Variants in KCNMB4 observed in about 807,000 individuals in gnomAD.
KCNMB4 encodes the protein potassium calcium-activated channel subfamily M regulatory beta subunit 4.
A neutral mutation model predicts 20.7 loss-of-function variants in KCNMB4; 3 were observed. That is an observed-to-expected ratio of 0.14 (90% CI 0.07 to 0.37). KCNMB4 has a LOEUF of 0.37. Ranked by LOEUF, KCNMB4 falls within the 10% of genes least tolerant of loss-of-function variation. The pLI, the probability that KCNMB4 is intolerant of heterozygous loss-of-function variation, is 1.00. For missense variants in KCNMB4, 168 were observed against 265.9 expected (o/e 0.63, Z 2.56); for synonymous variants, 110 against 113.4 (o/e 0.97, Z 0.19).
intron 2 of KCNMB4, among the ~76,000 whole-genome samples, chr12:70,406,548 T>G (rs1259518265): frequency 6.6e-6 from 1 of 152,204 alleles, no homozygotes; most frequent in Non-Finnish European, 1.5e-5. Context: ...GGTGGGACTC[T>G]TTGAGCCTGA....
chr12:70,430,667 T>TAA lies in KCNMB4; in HGVS notation c.*14_*15insAA, dbSNP rs746256743. 3.1e-6 allele frequency: 5 copies of TAA among 1,597,160 alleles called. No individual in the cohort carries two copies. The African/African-American group carries it at 6.8e-5, about 22-fold the overall frequency. ...AAGTTCTCTTAAAGGGGAAGGAGGC[T>TAA]TGTAGAAAGCAAAGTACAGAAGCTG... On this transcript the variant is annotated 3_prime_UTR_variant, in exon 3 of 3. Coordinates refer to ENST00000258111, the MANE Select transcript of KCNMB4 (RefSeq NM_014505.6).
chr12:70,367,169 ATTG>A, intron 1 of KCNMB4, 99 bp downstream of exon 1: 2 of 954,860 alleles, frequency 2.1e-6, no homozygotes, highest in South Asian at 3.8e-5. Context: ...GTGTGCTCGC[ATTG>A]CTAGGAGGAG....
chr12:70,433,351 G>A lies in KCNMB4; in HGVS notation c.*2698G>A, dbSNP rs1160719742. ...GCTTCATTTCACAAGGTATTCAAGG[G>A]ATATAGGAGTCATCTACCTTGTTAG... On this transcript the variant is annotated 3_prime_UTR_variant, in exon 3 of 3. Transcript: ENST00000258111. The A allele has an allele frequency of 6.6e-6, 1 of 152,156 alleles. No individual in the cohort carries two copies. Among genetic ancestry groups the A allele is most frequent in the Non-Finnish European group, 1.5e-5 (1 of 68,046 alleles). 9.4% of individuals were successfully genotyped at this position (152,156 alleles called of 1,614,324 possible).
At chr12:70,396,241 G>C (rs2136127454) in intron 1 of KCNMB4, among the ~76,000 whole-genome samples, 1 of 152,344 alleles carries the variant, frequency 6.6e-6, no homozygotes, top group East Asian at 1.9e-4. Context: ...GATATGGAAA[G>C]CAGTAGTTAG....
intron 2 of KCNMB4, among the ~76,000 whole-genome samples, chr12:70,421,691 C>T (rs1272998086): frequency 6.6e-6 from 1 of 151,718 alleles, no homozygotes; most frequent in Non-Finnish European, 1.5e-5. Context: ...ACGCCATTCT[C>T]CTGCCTCAGC....
At chr12:70,419,476 CAAG>C (rs900528304) in intron 2 of KCNMB4, among the ~76,000 whole-genome samples, 7 of 152,060 alleles carry the variant, frequency 4.6e-5, no homozygotes, top group African/African-American at 1.7e-4. Context: ...ATCAAAACAA[CAAG>C]AAGAACTGAT....
chr12:70,393,612 A>G (rs149993184), intron 1 of KCNMB4, among the ~76,000 whole-genome samples: 1 of 152,348 alleles, frequency 6.6e-6, no homozygotes, highest in East Asian at 1.9e-4. Flanking sequence ...GCCTGAATGC[A>G]GAAGTTAAGT....
chr12:70,383,062 G>A (rs1322759869), intron 1 of KCNMB4, among the ~76,000 whole-genome samples: 1 of 152,194 alleles, frequency 6.6e-6, no homozygotes, highest in Non-Finnish European at 1.5e-5. Context: ...AAAAGGTACA[G>A]TAAAAATACA....
At position 70,368,235 on chromosome 12, in the gene KCNMB4, T is replaced by A. The variant is rs560548262; in HGVS notation, c.336+1165T>A. 2.7e-3 allele frequency among the ~76,000 whole-genome samples: 410 copies of A among 152,240 alleles called. 2 individuals carry two copies. Among genetic ancestry groups the A allele is most frequent in the Non-Finnish European group, 5.3e-3 (360 of 68,012 alleles). On this transcript the variant is annotated intron_variant, in intron 1 of 2. Coordinates refer to ENST00000258111, the MANE Select transcript of KCNMB4 (RefSeq NM_014505.6). ...TTTATATTAATCCAAAAGAAAAAAA[T>A]TCTACATTAATATTATAATAGTATT...
chr12:70,400,430 T>A (rs1868420695), intron 2 of KCNMB4, 94 bp downstream of exon 2: 5 of 1,284,372 alleles, frequency 3.9e-6, no homozygotes, highest in Non-Finnish European at 5.3e-6. Flanking sequence ...CTTGACAGCA[T>A]GGAGATAGCC....
chr12:70,432,030 CTTT>C lies in KCNMB4; in HGVS notation c.*1393_*1395del, dbSNP rs376288820. 5.5e-5 allele frequency: 7 copies of C among 127,956 alleles called. No homozygotes were observed. Among genetic ancestry groups the C allele is most frequent in the Admixed American group, 8.1e-5 (1 of 12,384 alleles). The allele number at this position is 127,956 out of a possible 1,614,324, so 7.9% of individuals were successfully genotyped here. On this transcript the variant is annotated 3_prime_UTR_variant, in exon 3 of 3. Coordinates refer to ENST00000258111, the MANE Select transcript of KCNMB4 (RefSeq NM_014505.6). ...TCCACATACCAATGTTTTCTTTTTTCTTTTTTTTTTTTTTTTTTGAGATGGTGT... is the reference window on the plus strand; with the variant it reads ...TCCACATACCAATGTTTTCTTTTTTCTTTTTTTTTTTTTTTGAGATGGTGT...
chr12:70,413,754 A>G (rs992939762), intron 2 of KCNMB4, among the ~76,000 whole-genome samples: 8 of 152,194 alleles, frequency 5.3e-5, no homozygotes, highest in African/African-American at 1.9e-4. Flanking sequence ...GACAGTGGAC[A>G]TCACCTCCTC....
At chr12:70,401,014 A>G (rs1383560435) in intron 2 of KCNMB4, among the ~76,000 whole-genome samples, 6 of 151,992 alleles carry the variant, frequency 3.9e-5, no homozygotes, top group African/African-American at 1.2e-4. Flanking sequence ...TTTGTAACCT[A>G]TGTCACCATC....
At chr12:70,400,596 T>C (rs1057130138) in intron 2 of KCNMB4, among the ~76,000 whole-genome samples, 2 of 152,214 alleles carry the variant, frequency 1.3e-5, no homozygotes. Context: ...GAATTGCAGA[T>C]TGATGCACAT....
intron 2 of KCNMB4, among the ~76,000 whole-genome samples, chr12:70,423,903 A>G (rs1869137515): frequency 6.6e-6 from 1 of 152,240 alleles, no homozygotes; most frequent in African/African-American, 2.4e-5. Context: ...TTTCAGGTTT[A>G]GTGGCTGGGG....
At chr12:70,383,670 C>CA (rs778705095) in intron 1 of KCNMB4, among the ~76,000 whole-genome samples, 4 of 152,226 alleles carry the variant, frequency 2.6e-5, no homozygotes, top group Non-Finnish European at 5.9e-5. Context: ...GCAATCCTTG[C>CA]ATTCCTTGGC....
intron 1 of KCNMB4, among the ~76,000 whole-genome samples, chr12:70,391,752 A>G (rs1447285265): frequency 6.6e-6 from 1 of 152,242 alleles, no homozygotes; most frequent in African/African-American, 2.4e-5. Flanking sequence ...GAGACCAAGG[A>G]TGAGCATTCT....
chr12:70,402,880 C>A (rs1207709057), intron 2 of KCNMB4, among the ~76,000 whole-genome samples: 1 of 152,124 alleles, frequency 6.6e-6, no homozygotes. Context: ...AGAGAAAGAG[C>A]CTGTCTTTCT....
chr12:70,367,107 G>A (rs1883508852), intron 1 of KCNMB4, 37 bp downstream of exon 1: 1 of 1,472,878 alleles, frequency 6.8e-7, no homozygotes, highest in Non-Finnish European at 9.0e-7. Flanking sequence ...CTCCCCGCGA[G>A]GGAGGTTTGG....
Sources: allele counts gnomAD v4.1 joint callset (sites outside exome capture counted in the v4.1 genomes callset), GRCh38; gene constraint gnomAD v4.1.1; transcripts MANE v1.5; gene names NCBI Gene and HGNC (gene_info 2026-07-23, HGNC 2026-07-21).